The following EVA1C variants were observed in gnomAD, a reference collection of about 807,000 sequenced individuals.
EVA1C encodes eva-1 homolog C.
Under a neutral mutation model 45.4 loss-of-function variants are expected in EVA1C, and 25 were observed. That is an observed-to-expected ratio of 0.55 (90% CI 0.40 to 0.77). The LOEUF (loss-of-function observed/expected upper bound fraction) is 0.77, where lower values mean the gene tolerates loss of function less well. Among genes scored for constraint, EVA1C ranks in the 30% least tolerant of loss-of-function variants. The pLI is 0.00. For missense variants in EVA1C, 479 were observed against 554.8 expected, an observed-to-expected ratio of 0.86 and a Z score of 1.37; for synonymous variants, 190 against 221.2, an observed-to-expected ratio of 0.86 and a Z score of 1.25.
intron 1 of EVA1C, among the ~76,000 whole-genome samples, chr21:32,431,009 G>A (rs181770372): frequency 1.6e-4 from 23 of 147,050 alleles, no homozygotes; most frequent in Admixed American, 3.4e-4. Context: ...CTTATTCAAC[G>A]TCATGAGAAC....
intron 4 of EVA1C, 145 bp from the exon 5 acceptor site, chr21:32,494,882 C>T (rs969921573): frequency 2.4e-6 from 2 of 846,942 alleles, no homozygotes; most frequent in Non-Finnish European, 3.6e-6. Context: ...ATCTTGGGTG[C>T]TTTAATGAGA....
chr21:32,430,415 A>C (rs1269326682), intron 1 of EVA1C, among the ~76,000 whole-genome samples: 1 of 152,164 alleles, frequency 6.6e-6, no homozygotes, highest in Non-Finnish European at 1.5e-5. Flanking sequence ...GCTGGACATC[A>C]CAAGGGTTTC....
chr21:32,439,404 A>G (rs1352505033), intron 1 of EVA1C, among the ~76,000 whole-genome samples: 2 of 152,070 alleles, frequency 1.3e-5, no homozygotes, highest in Non-Finnish European at 2.9e-5. Flanking sequence ...TCAATTAAGG[A>G]TGAATATGAA....
intron 4 of EVA1C, among the ~76,000 whole-genome samples, chr21:32,484,656 C>T (rs935315706): frequency 6.6e-6 from 1 of 152,172 alleles, no homozygotes; most frequent in African/African-American, 2.4e-5. Flanking sequence ...AATTCCTCCC[C>T]TACTTAGAGA....
chr21:32,511,971 A>C (rs1463641605), intron 7 of EVA1C, among the ~76,000 whole-genome samples: 2 of 152,192 alleles, frequency 1.3e-5, no homozygotes, highest in South Asian at 4.1e-4. Flanking sequence ...AAGACAGTGA[A>C]ATATTTTACA....
In EVA1C at chr21:32,457,682, GC is replaced by G. The variant is rs1568905068; in HGVS notation, c.444del (p.Ser148ArgfsTer16). ...RVFGPDLCPG[S>X]SKYLLVSFKC... Reference sequence around the variant, plus strand: ...TTTGGACCTGACCTTTGTCCAGGAAGCAGTAAATACCTCCTGGTCTCCTTTA... The same window carrying G: ...TTTGGACCTGACCTTTGTCCAGGAAGAGTAAATACCTCCTGGTCTCCTTTA... On this transcript the variant is annotated frameshift_variant, in exon 3 of 8. Transcript: ENST00000300255. LOFTEE classifies it high-confidence loss of function. 4 of 1,614,174 alleles carry G rather than the reference GC, an allele frequency of 2.5e-6. No individual in the cohort carries two copies. The African/African-American group carries it at 5.3e-5, about 22-fold the overall frequency.
intron 5 of EVA1C, among the ~76,000 whole-genome samples, chr21:32,500,903 C>T (rs2146430214): frequency 6.6e-6 from 1 of 152,184 alleles, no homozygotes; most frequent in African/African-American, 2.4e-5. Context: ...CCTCTGCCTC[C>T]CGTGTTCAAG....
chr21:32,510,374 G>A (rs2037909557), intron 7 of EVA1C, among the ~76,000 whole-genome samples: 1 of 152,102 alleles, frequency 6.6e-6, no homozygotes, highest in African/African-American at 2.4e-5. Flanking sequence ...CATTACTTTT[G>A]CACCAACCTA....
chr21:32,429,175 G>A (rs1471684733), intron 1 of EVA1C, among the ~76,000 whole-genome samples: 3 of 150,842 alleles, frequency 2.0e-5, no homozygotes, highest in African/African-American at 7.4e-5. Context: ...CAAGTAGCTG[G>A]GATTTCAGGC....
chr21:32,421,770 A>G (rs527438480), intron 1 of EVA1C, among the ~76,000 whole-genome samples: 1 of 152,226 alleles, frequency 6.6e-6, no homozygotes, highest in Non-Finnish European at 1.5e-5. Flanking sequence ...AGGTCTGGGC[A>G]TGGTGGCTCA....
chr21:32,455,303 GA>G (rs944130230), intron 2 of EVA1C, among the ~76,000 whole-genome samples: 112 of 151,168 alleles, frequency 7.4e-4, no homozygotes, highest in Middle Eastern at 6.8e-3. Flanking sequence ...ACCTACTCCT[GA>G]AAAAAAACAA....
chr21:32,443,401 T>G (rs562706046), intron 1 of EVA1C, among the ~76,000 whole-genome samples: 2 of 152,232 alleles, frequency 1.3e-5, no homozygotes, highest in East Asian at 3.9e-4. Context: ...CCAGGCTTTG[T>G]GGCAAGGACC....
intron 1 of EVA1C, among the ~76,000 whole-genome samples, chr21:32,433,444 A>G (rs75567481): frequency 1.1e-3 from 140 of 129,254 alleles, no homozygotes; most frequent in Middle Eastern, 7.8e-3. Flanking sequence ...CAGTATTTCT[A>G]CCTGTGGTTG....
chr21:32,413,627 C>T (rs2033920420), intron 1 of EVA1C, among the ~76,000 whole-genome samples: 1 of 152,198 alleles, frequency 6.6e-6, no homozygotes. Flanking sequence ...TTCCTACTCT[C>T]GAATAAACTA....
intron 5 of EVA1C, among the ~76,000 whole-genome samples, chr21:32,496,647 T>C (rs548737570): frequency 1.3e-5 from 2 of 152,294 alleles, no homozygotes; most frequent in African/African-American, 2.4e-5. Flanking sequence ...TGGAGGACGG[T>C]AGACTGGACA....
intron 1 of EVA1C, among the ~76,000 whole-genome samples, chr21:32,416,321 C>CTTTT (rs909665670): frequency 7.4e-6 from 1 of 134,292 alleles, no homozygotes; most frequent in Non-Finnish European, 1.6e-5. Flanking sequence ...TTTTCTTTTT[C>CTTTT]TTTTTTTTTT....
upstream of EVA1C, chr21:32,412,365 G>T (rs1375332543): frequency 2.0e-5 from 3 of 152,066 alleles, no homozygotes; most frequent in African/African-American, 7.2e-5. Flanking sequence ...CACCGGCCGC[G>T]CTCCTTCTGC....
intron 4 of EVA1C, among the ~76,000 whole-genome samples, chr21:32,489,122 G>A (rs377565575): frequency 2.3e-4 from 35 of 152,304 alleles, no homozygotes; most frequent in African/African-American, 7.0e-4. Context: ...GTGGTCCCAC[G>A]TGTTTATTTT....
rs1314215337 is a variant in EVA1C at position 32,454,593 on chromosome 21, G to A, written c.357+1085G>A. 9.2e-5 allele frequency among the ~76,000 whole-genome samples: 13 copies of A among 141,278 alleles called. No homozygotes were observed. The East Asian group carries it at 3.0e-3, about 33-fold the overall frequency. The allele number at this position is 141,278 out of a possible 152,430, so 92.7% of individuals were successfully genotyped here. A position where few individuals can be genotyped will look rare whatever the true frequency, so the allele number is the denominator to read the frequency against. The stretch of plus-strand genomic sequence containing the variant: ...GTTGACCAGGATTACTGAGTCACTT[G>A]GCCTTGGATTTTTTTTTTTATGCCT... On this transcript the variant is annotated intron_variant, in intron 2 of 7. Transcript: ENST00000300255.
Sources: gnomAD v4.1 joint callset for allele counts (sites outside exome capture counted in the v4.1 genomes callset) on GRCh38, gnomAD v4.1.1 for gene constraint, MANE v1.5 for transcripts, NCBI Gene and HGNC (gene_info 2026-07-23, HGNC 2026-07-21) for gene names.